Variants in CCDC149 observed in about 807,000 individuals in gnomAD.
CCDC149 encodes coiled-coil domain-containing protein 149.
CCDC149 carries 45 observed loss-of-function variants against 59.9 expected under a neutral mutation model. That is an observed-to-expected ratio of 0.75 (90% CI 0.59 to 0.96). The LOEUF (loss-of-function observed/expected upper bound fraction) is 0.96, where lower values mean the gene tolerates loss of function less well. CCDC149 is among the 40% of genes least tolerant of loss of function. CCDC149 has a pLI of 0.00. For missense variants in CCDC149, 584 were observed against 664.7 expected (o/e 0.88, Z 1.33); for synonymous variants, 245 against 260.6 (o/e 0.94, Z 0.58).
intron 1 of CCDC149, among the ~76,000 whole-genome samples, chr4:24,904,293 C>T (rs1368040022): frequency 6.6e-6 from 1 of 152,168 alleles, no homozygotes; most frequent in African/African-American, 2.4e-5. Flanking sequence ...AATAGTCACT[C>T]ATCACAGATG....
chr4:24,842,271 T>C (rs1370244606), intron 4 of CCDC149, among the ~76,000 whole-genome samples: 1 of 152,212 alleles, frequency 6.6e-6, no homozygotes. Flanking sequence ...GTGATTATTG[T>C]AATTATCATC....
intron 8 of CCDC149, among the ~76,000 whole-genome samples, chr4:24,833,691 T>C (rs1245263638): frequency 6.6e-6 from 1 of 152,230 alleles, no homozygotes; most frequent in Non-Finnish European, 1.5e-5. Context: ...ATTATTTAAC[T>C]ACTGCTGGAC....
intron 1 of CCDC149, among the ~76,000 whole-genome samples, chr4:24,944,884 T>C (rs1034228812): frequency 2.6e-5 from 4 of 152,202 alleles, no homozygotes; most frequent in African/African-American, 9.7e-5. Context: ...TCACGACCAC[T>C]GGTAAGGTCA....
intron 1 of CCDC149, among the ~76,000 whole-genome samples, chr4:24,944,609 G>C (rs1457072945): frequency 6.6e-6 from 1 of 151,938 alleles, no homozygotes; most frequent in Non-Finnish European, 1.5e-5. Context: ...TGGGAGGCAA[G>C]GGGAGGGAGA....
chr4:24,820,608 T>G (rs1056020352), intron 11 of CCDC149, among the ~76,000 whole-genome samples: 1 of 152,198 alleles, frequency 6.6e-6, no homozygotes, highest in African/African-American at 2.4e-5. Flanking sequence ...CAAAAAACAA[T>G]GAGCAGACAG....
chr4:24,837,173 G>A lies in CCDC149; in HGVS notation c.662+55C>T. ...GGCTGCAAATAACTCCCAGCCTGCA[G>A]GCCTGTGCAGAGCCAGCCTTCCTCC... On this transcript the variant is annotated intron_variant, in intron 6 of 12. Transcript: ENST00000635206. The surrounding 1 kb of genome is among the most constrained non-coding windows in gnomAD (Gnocchi z 4.3). 10 of 1,550,302 alleles carry A rather than the reference G, an allele frequency of 6.5e-6. No homozygotes were observed. Among genetic ancestry groups the A allele is most frequent in the Non-Finnish European group, 8.0e-6 (9 of 1,131,448 alleles).
intron 1 of CCDC149, among the ~76,000 whole-genome samples, chr4:24,899,726 A>G (rs556309510): frequency 1.4e-4 from 21 of 152,190 alleles, no homozygotes; most frequent in East Asian, 1.4e-3. Flanking sequence ...TCCCTCCCCA[A>G]TGCATCCAAG....
intron 1 of CCDC149, among the ~76,000 whole-genome samples, chr4:24,886,031 T>A (rs926477342): frequency 7.9e-5 from 12 of 152,188 alleles, no homozygotes; most frequent in African/African-American, 2.7e-4. Context: ...GTTGTAAGAT[T>A]AGTCCCATTT....
chr4:24,970,581 CAT>C (rs1280695042), intron 1 of CCDC149, among the ~76,000 whole-genome samples: 2 of 152,140 alleles, frequency 1.3e-5, no homozygotes, highest in Non-Finnish European at 2.9e-5. Context: ...GAACATAACA[CAT>C]GTCACTACAC....
chr4:24,868,457 C>A (rs185620230), intron 3 of CCDC149, among the ~76,000 whole-genome samples: 25 of 152,270 alleles, frequency 1.6e-4, no homozygotes, highest in African/African-American at 5.3e-4. Context: ...ATTAATAAGT[C>A]AGAATTCCCT....
At chr4:24,839,059 C>G (rs879246238) in intron 4 of CCDC149, among the ~76,000 whole-genome samples, 4 of 118,890 alleles carry the variant, frequency 3.4e-5, no homozygotes, top group Admixed American at 1.7e-4. Context: ...CACACACACA[C>G]ACAGAGAGAG....
chr4:24,867,464 G>C (rs953865542), intron 3 of CCDC149, among the ~76,000 whole-genome samples: 1 of 152,172 alleles, frequency 6.6e-6, no homozygotes, highest in Non-Finnish European at 1.5e-5. Flanking sequence ...TTACATGCAG[G>C]CATGCATATA....
chr4:24,960,534 CAA>C (rs1224477197), intron 1 of CCDC149, among the ~76,000 whole-genome samples: 2 of 151,974 alleles, frequency 1.3e-5, no homozygotes, highest in African/African-American at 4.8e-5. Flanking sequence ...AATATAGACA[CAA>C]ATGTAATAAA....
chr4:24,931,829 G>GTATATACATATATA (rs1553862488), intron 1 of CCDC149, among the ~76,000 whole-genome samples: 6 of 76,932 alleles, frequency 7.8e-5, no homozygotes, highest in Middle Eastern at 6.7e-3. Flanking sequence ...TGGAGAGTAT[G>GTATATACATATATA]TATATATATA....
chr4:24,855,122 C>A (rs944789488), intron 3 of CCDC149, among the ~76,000 whole-genome samples: 15 of 152,324 alleles, frequency 9.8e-5, no homozygotes, highest in African/African-American at 3.6e-4. Flanking sequence ...TGACCTCTCC[C>A]AAGCACCTAG....
chr4:24,842,542 C>T (rs771838996), intron 4 of CCDC149, among the ~76,000 whole-genome samples: 2 of 152,204 alleles, frequency 1.3e-5, no homozygotes, highest in Admixed American at 1.3e-4. Flanking sequence ...ACAGCACCCG[C>T]GCCGCCACCA....
chr4:24,889,843 A>T (rs1043139306), intron 1 of CCDC149, among the ~76,000 whole-genome samples: 2 of 152,170 alleles, frequency 1.3e-5, no homozygotes, highest in Non-Finnish European at 2.9e-5. Context: ...ATCCTAAAAA[A>T]TACCCTAACA....
At chr4:24,846,190 T>C (rs1717273146) in intron 4 of CCDC149, among the ~76,000 whole-genome samples, 2 of 152,218 alleles carry the variant, frequency 1.3e-5, no homozygotes, top group African/African-American at 4.8e-5. Flanking sequence ...TAGACACTGC[T>C]GAACTAGACT....
intron 1 of CCDC149, among the ~76,000 whole-genome samples, chr4:24,958,930 C>A (rs550772625): frequency 6.7e-6 from 1 of 150,176 alleles, no homozygotes; most frequent in East Asian, 2.1e-4. Context: ...GAGGCTGAGG[C>A]GCTGAGGCAC....
Sources: allele counts gnomAD v4.1 joint callset (sites outside exome capture counted in the v4.1 genomes callset), GRCh38; gene constraint gnomAD v4.1.1; non-coding constraint Gnocchi (gnomAD v3.1); transcripts MANE v1.5; gene names NCBI Gene and HGNC (gene_info 2026-07-23, HGNC 2026-07-21).